Variants in ANKRD30B observed in about 807,000 individuals in gnomAD.
The protein encoded by ANKRD30B is ankyrin repeat domain 30B, also known as ankyrin repeat domain-containing protein 30B.
A neutral mutation model predicts 202.2 loss-of-function variants in ANKRD30B; 144 were observed. The observed-to-expected ratio is 0.71, with a 90% CI of 0.62 to 0.82. The LOEUF (loss-of-function observed/expected upper bound fraction) is 0.82, where lower values mean the gene tolerates loss of function less well. Ranked by LOEUF, ANKRD30B falls within the 40% of genes least tolerant of loss-of-function variation. The pLI is 0.00. For synonymous variants in ANKRD30B, 508 were observed against 561.3 expected (o/e 0.91, Z 1.34); for missense variants, 1,487 against 1,669.1 (o/e 0.89, Z 1.90).
At chr18:14,786,967 A>C in intron 14 of ANKRD30B, 72 bp from the exon 15 acceptor site, 1 of 1,440,672 alleles carries the variant, frequency 6.9e-7, no homozygotes, top group Non-Finnish European at 9.5e-7. Context: ...ATGAAAGTAG[A>C]CTTGTGTATG....
At chr18:14,835,701 A>G (rs1971140438) in intron 34 of ANKRD30B, among the ~76,000 whole-genome samples, 1 of 151,724 alleles carries the variant, frequency 6.6e-6, no homozygotes, top group South Asian at 2.1e-4. Context: ...ACCATCCTAT[A>G]TGGTGTAAAT....
chr18:14,830,413 A>C (rs957507828), intron 33 of ANKRD30B, among the ~76,000 whole-genome samples: 19 of 152,200 alleles, frequency 1.2e-4, no homozygotes, highest in African/African-American at 4.6e-4. Context: ...TTAATGTTTC[A>C]ATTTTTGTGA....
At chr18:14,800,314 T>C (rs1478730132) in intron 22 of ANKRD30B, among the ~76,000 whole-genome samples, 1 of 150,430 alleles carries the variant, frequency 6.6e-6, no homozygotes, top group South Asian at 2.1e-4. Context: ...TTTTCTTTTT[T>C]TTTTAAATTT....
intron 36 of ANKRD30B, among the ~76,000 whole-genome samples, chr18:14,839,935 T>A (rs1971345352): frequency 6.6e-6 from 1 of 152,236 alleles, no homozygotes. Flanking sequence ...GTTTGAAATG[T>A]CCTATTGTTT....
chr18:14,910,504 A>AT, the ANKRD30B span, among the ~76,000 whole-genome samples: 93 of 148,136 alleles, frequency 6.3e-4, 1 homozygote, highest in East Asian at 0.012. Context: ...TATATATATA[A>AT]AATTTCTTTA....
In ANKRD30B at chr18:14,844,890, G is replaced by C. The variant is rs181707837; in HGVS notation, c.3181+1794G>C. Among the ~76,000 whole-genome samples the C allele has an allele frequency of 6.2e-4, 95 of 152,068 alleles. 3 individuals are homozygous for C. The highest frequency in any genetic ancestry group is 2.2e-3 in the African/African-American group (92 of 41,532). On this transcript the variant is annotated intron_variant, in intron 39 of 43. Coordinates refer to ENST00000690538, the MANE Select transcript of ANKRD30B (RefSeq NM_001367607.2). The stretch of plus-strand genomic sequence containing the variant: ...TGGCTGCATAAATGTCTTCTTTTCA[G>C]AAGTGTCTGTTCATATCCTTCACCC...
At chr18:14,900,849 C>G in the ANKRD30B span, among the ~76,000 whole-genome samples, 1 of 152,262 alleles carries the variant, frequency 6.6e-6, no homozygotes, top group Non-Finnish European at 1.5e-5. Flanking sequence ...GTTATGAGAA[C>G]AAAGAGATTA....
the ANKRD30B span, among the ~76,000 whole-genome samples, chr18:14,940,408 G>A: frequency 5.3e-5 from 8 of 152,170 alleles, no homozygotes; most frequent in African/African-American, 1.9e-4. Context: ...ACTGAGTAGG[G>A]GGCAACAGAG....
chr18:14,923,437 A>G, the ANKRD30B span, among the ~76,000 whole-genome samples: 18 of 152,262 alleles, frequency 1.2e-4, no homozygotes, highest in South Asian at 3.7e-3. Context: ...AGAGGAGAGA[A>G]GAGTGAGAAG....
intron 4 of ANKRD30B, among the ~76,000 whole-genome samples, chr18:14,755,939 A>G (rs1286619136): frequency 5.3e-5 from 8 of 152,210 alleles, no homozygotes; most frequent in African/African-American, 1.4e-4. Flanking sequence ...TGGCTGGGTC[A>G]AATGGTATTT....
chr18:14,790,731 G>T (rs1170764603), intron 15 of ANKRD30B, among the ~76,000 whole-genome samples: 1 of 151,956 alleles, frequency 6.6e-6, no homozygotes, highest in African/African-American at 2.4e-5. Context: ...TGCATCCCAG[G>T]GATGAAGCCC....
rs1915092228 is a variant in ANKRD30B at position 14,760,574 on chromosome 18, A to G, written c.776A>G (p.Glu259Gly). The change falls in exon 6 of 44, where the codon GAA (glutamate) becomes GGA (glycine). Residue 259 changes from glutamate (E) to glycine (G), a missense_variant. Around this residue, in one of 6 missense-constraint regions of ANKRD30B, gnomAD observed 889 missense variants for 841.4 expected, o/e 1.06. Coordinates refer to ENST00000690538, the MANE Select transcript of ANKRD30B (RefSeq NM_001367607.2). Reference sequence around the variant, plus strand: ...CATAGCATTCATCAACAACTTTTGGAACATATACGAAAATTACCTAAAAAT... The same window carrying G: ...CATAGCATTCATCAACAACTTTTGGGACATATACGAAAATTACCTAAAAAT... ...GVNYIHQQLL[E>G]HIRKLPKNPQ... 2 of 1,525,508 alleles carry G rather than the reference A, an allele frequency of 1.3e-6. No individual in the cohort carries two copies. Among genetic ancestry groups the G allele is most frequent in the African/African-American group, 2.8e-5 (2 of 71,890 alleles). 94.5% of individuals were successfully genotyped at this position (1,525,508 alleles called of 1,614,324 possible). A position where few individuals can be genotyped will look rare whatever the true frequency, so the allele number is the denominator to read the frequency against.
At chr18:14,785,070 C>G (rs958426090) in intron 14 of ANKRD30B, among the ~76,000 whole-genome samples, 1 of 151,810 alleles carries the variant, frequency 6.6e-6, no homozygotes, top group Non-Finnish European at 1.5e-5. Context: ...GTGTGTGGTA[C>G]CTTTACCTTG....
intron 28 of ANKRD30B, among the ~76,000 whole-genome samples, chr18:14,810,636 G>A (rs1246793807): frequency 6.6e-6 from 1 of 151,108 alleles, no homozygotes; most frequent in Non-Finnish European, 1.5e-5. Context: ...CTGAGTGTGT[G>A]TGTGTGTGTG....
At chr18:14,756,067 T>G (rs918881137) in intron 4 of ANKRD30B, among the ~76,000 whole-genome samples, 30 of 152,198 alleles carry the variant, frequency 2.0e-4, no homozygotes, top group African/African-American at 6.8e-4. Context: ...CAGCACCTGT[T>G]GTTTCCTGAC....
At chr18:14,907,039 T>C in the ANKRD30B span, among the ~76,000 whole-genome samples, 1 of 152,070 alleles carries the variant, frequency 6.6e-6, no homozygotes, top group East Asian at 1.9e-4. Flanking sequence ...GATAAGGAAT[T>C]ATGGAGGTCA....
At chr18:14,767,368 T>C (rs1244026898) in intron 7 of ANKRD30B, among the ~76,000 whole-genome samples, 2 of 152,206 alleles carry the variant, frequency 1.3e-5, no homozygotes, top group African/African-American at 4.8e-5. Flanking sequence ...ATATTTATGA[T>C]AGTTTAATTT....
the ANKRD30B span, among the ~76,000 whole-genome samples, chr18:14,917,607 T>A: frequency 1.3e-5 from 2 of 152,210 alleles, no homozygotes; most frequent in Non-Finnish European, 2.9e-5. Flanking sequence ...GAGTCAAGTT[T>A]GAGCAGTTTC....
At chr18:14,882,134 A>T in the ANKRD30B span, among the ~76,000 whole-genome samples, 1 of 151,722 alleles carries the variant, frequency 6.6e-6, no homozygotes, top group Non-Finnish European at 1.5e-5. Flanking sequence ...GATCTTGGTT[A>T]TTTCCTTTGT....
Sources: gnomAD v4.1 joint callset for allele counts (sites outside exome capture counted in the v4.1 genomes callset) on GRCh38, gnomAD v4.1.1 for gene constraint, gnomAD v4.1.1 regional missense constraint, MANE v1.5 for transcripts, NCBI Gene and HGNC (gene_info 2026-07-23, HGNC 2026-07-21) for gene names.